The following INSL4 variants were observed in gnomAD, a reference collection of about 807,000 sequenced individuals.
The protein encoded by INSL4 is early placenta insulin-like peptide.
INSL4 carries 7 observed loss-of-function variants against 6.5 expected under a neutral mutation model. The observed-to-expected ratio is 1.08, with a 90% confidence interval of 0.61 to 2.02. The LOEUF is 2.02. INSL4 is among the 30% of genes most tolerant of loss of function. INSL4 has a pLI of 0.00. For synonymous variants in INSL4, 82 were observed against 65.8 expected, an observed-to-expected ratio of 1.25 and a Z score of -1.19; for missense variants, 226 against 163.2, an observed-to-expected ratio of 1.38 and a Z score of -2.09.
At chr9:5,231,823 C>G in intron 1 of INSL4, 104 bp downstream of exon 1, 4 of 983,790 alleles carry the variant, frequency 4.1e-6, no homozygotes, top group Middle Eastern at 2.9e-4. Context: ...GTGGCTAGTG[C>G]CTACAAGTTT....
intron 1 of INSL4, among the ~76,000 whole-genome samples, chr9:5,232,700 C>A (rs1051625330): frequency 1.5e-4 from 23 of 152,184 alleles, no homozygotes; most frequent in African/African-American, 5.1e-4. Context: ...CTACTATATT[C>A]TGTCTAATAG....
rs1826204290 is a variant in INSL4 at position 5,234,903 on chromosome 9, TAA to T, written c.*1027_*1028del. 1.3e-5 allele frequency: 2 copies of T among 151,990 alleles called. No individual in the cohort carries two copies. The highest frequency in any genetic ancestry group is 4.1e-4 in the South Asian group (2 of 4,824). The allele number at this position is 151,990 out of a possible 1,614,324, so 9.4% of individuals were successfully genotyped here. On this transcript the variant is annotated 3_prime_UTR_variant, in exon 2 of 2. Coordinates refer to ENST00000239316, the MANE Select transcript of INSL4 (RefSeq NM_002195.2). ...TGGGACATGGAGAAGCAAAGGATAA[TAA>T]GTGCAATGATACTTGTAGGTCATCA...
chr9:5,231,540 G>A lies in INSL4; in HGVS notation c.17G>A (p.Arg6Gln), dbSNP rs151123823. ...AGGTCCAGGATGGCCAGCCTGTTCCGGTCCTATCTGCCAGCAATCTGGCTG... is the reference window on the plus strand; with the variant it reads ...AGGTCCAGGATGGCCAGCCTGTTCCAGTCCTATCTGCCAGCAATCTGGCTG... MASLF[R>Q]SYLPAIWLLL... Residue 6 changes from arginine to glutamine, a missense_variant, in exon 1 of 2, where the codon CGG (arginine) becomes CAG (glutamine). Transcript: ENST00000239316. 53 of 1,613,106 alleles carry A rather than the reference G, an allele frequency of 3.3e-5. No individual in the cohort carries two copies. The highest frequency in any genetic ancestry group is 9.3e-5 in the African/African-American group (7 of 74,992).
rs773741191 is a variant in INSL4 at position 5,233,712 on chromosome 9, C to G, written c.255C>G (p.Phe85Leu). ...AAGCCTTAGGTACGACATCAGAATT[C>G]ATTCCTAATTTGTCACCAGAGCTGA... ...DGQALGTTSEFIPNLSPELKK... is the reference protein window; with the variant it reads ...DGQALGTTSELIPNLSPELKK... The change falls in exon 2 of 2, where the codon TTC becomes TTG. Residue 85 changes from phenylalanine to leucine, a missense_variant. By Grantham distance (22) the Phe-to-Leu change is conservative. Transcript: ENST00000239316. 1.2e-6 allele frequency: 2 copies of G among 1,613,718 alleles called. No individual in the cohort carries two copies. Among genetic ancestry groups the G allele is most frequent in the Non-Finnish European group, 1.7e-6 (2 of 1,179,746 alleles).
intron 1 of INSL4, among the ~76,000 whole-genome samples, chr9:5,233,181 G>T (rs1204408217): frequency 2.6e-5 from 4 of 152,000 alleles, no homozygotes; most frequent in African/African-American, 9.7e-5. Context: ...ATTTGGTGTC[G>T]ACACATATAG....
At chr9:5,231,769 G>C (rs1253488265) in intron 1 of INSL4, 50 bp downstream of exon 1, 2 of 1,528,718 alleles carry the variant, frequency 1.3e-6, no homozygotes, top group South Asian at 2.3e-5. Flanking sequence ...GAAAAAACAG[G>C]CTCCAGATCT....
intron 1 of INSL4, 67 bp downstream of exon 1, chr9:5,231,786 C>A: frequency 7.2e-7 from 1 of 1,396,548 alleles, no homozygotes; most frequent in Non-Finnish European, 9.9e-7. Context: ...ATCTCATTGA[C>A]TGCCTGTAGT....
rs758428149 is a variant in INSL4, at chr9:5,231,661, T to G, written c.138T>G (p.Pro46=). 6.6e-5 allele frequency: 107 copies of G among 1,613,700 alleles called. No individual in the cohort carries two copies. The highest frequency in any genetic ancestry group is 3.5e-4 in the Admixed American group (21 of 59,976). Residue 46 remains proline, a synonymous_variant, in exon 1 of 2, where the codon CCT becomes CCG. Coordinates refer to ENST00000239316, the MANE Select transcript of INSL4 (RefSeq NM_002195.2). ...ACTTGCTGTCATATTGCCCCATGCC[T>G]GAGAAGACATTCACCACCACCCCAG... ...GKHLLSYCPM[P]EKTFTTTPGG...
Position 5,232,320 on chromosome 9 carries a change from G to A in INSL4, c.196+601G>A, listed in dbSNP as rs569704514. On this transcript the variant is annotated intron_variant, in intron 1 of 1. Coordinates refer to ENST00000239316, the MANE Select transcript of INSL4 (RefSeq NM_002195.2). ...GGCAGTGGTCTATGTCACCAAAAAC[G>A]TCCTCTTACAAAAAAGTTTTTTTTA... Among the ~76,000 whole-genome samples, 35 of 152,208 alleles carry A rather than the reference G, an allele frequency of 2.3e-4. 1 individual carries two copies. In the South Asian group the frequency reaches 7.1e-3, roughly 31 times the overall value.
chr9:5,232,252 G>A (rs181001920), intron 1 of INSL4, among the ~76,000 whole-genome samples: 2 of 152,286 alleles, frequency 1.3e-5, no homozygotes, highest in East Asian at 3.9e-4. Flanking sequence ...GTGAGATAAA[G>A]GGGGCTTAGA....
chr9:5,232,904 G>C (rs991758229), intron 1 of INSL4, among the ~76,000 whole-genome samples: 1 of 152,126 alleles, frequency 6.6e-6, no homozygotes, highest in Non-Finnish European at 1.5e-5. Context: ...TGGATTTTGT[G>C]TGATTTATAT....
At position 5,233,963 on chromosome 9, in the gene INSL4, G is replaced by C. The variant is rs896355071; in HGVS notation, c.*86G>C. The C allele has an allele frequency of 1.2e-6, 1 of 855,158 alleles. No homozygotes were observed. The allele number at this position is 855,158 out of a possible 1,614,324, so 53.0% of individuals were successfully genotyped here. A position where few individuals can be genotyped will look rare whatever the true frequency, so the allele number is the denominator to read the frequency against. On this transcript the variant is annotated 3_prime_UTR_variant, in exon 2 of 2. Transcript: ENST00000239316. ...ACTGATGCCCAATTAAATGATTGCTGTTTATTAGAACATGAGAATCATTAT... is the reference window on the plus strand; with the variant it reads ...ACTGATGCCCAATTAAATGATTGCTCTTTATTAGAACATGAGAATCATTAT...
chr9:5,233,032 G>A (rs1340100837), intron 1 of INSL4, among the ~76,000 whole-genome samples: 1 of 152,130 alleles, frequency 6.6e-6, no homozygotes, highest in Admixed American at 6.6e-5. Context: ...AACTAAGGAA[G>A]AGCATGCTGT....
Position 5,231,719 on chromosome 9 carries a change from G to C in INSL4, c.196G>C (p.Glu66Gln). 1 of 1,613,236 alleles carries C rather than the reference G, an allele frequency of 6.2e-7. No individual in the cohort carries two copies. The highest frequency in any genetic ancestry group is 2.2e-5 in the East Asian group (1 of 44,798). The change falls in exon 1 of 2, where the codon GAA becomes CAA. Residue 66 changes from glutamate (E) to glutamine (Q), a missense_variant and splice_region_variant. Coordinates refer to ENST00000239316, the MANE Select transcript of INSL4 (RefSeq NM_002195.2). ...GCTGCTGGAATCTGGACGTCCCAAA[G>C]GTGAGAGCCCTGGACTACCAAACAA... ...GWLLESGRPKEMVSTSNNKDG... is the reference protein window; with the variant it reads ...GWLLESGRPKQMVSTSNNKDG...
At chr9:5,232,634 G>C (rs962866783) in intron 1 of INSL4, among the ~76,000 whole-genome samples, 1 of 152,204 alleles carries the variant, frequency 6.6e-6, no homozygotes, top group African/African-American at 2.4e-5. Context: ...TATTCATAAA[G>C]ATAAATTGCC....
At chr9:5,233,318 T>A (rs1013209108) in intron 1 of INSL4, among the ~76,000 whole-genome samples, 1 of 152,126 alleles carries the variant, frequency 6.6e-6, no homozygotes, top group Non-Finnish European at 1.5e-5. Context: ...AAATTCCCTA[T>A]TGCTATCCAG....
intron 1 of INSL4, 151 bp from the exon 2 acceptor site, chr9:5,233,503 T>G: frequency 1.6e-6 from 1 of 631,182 alleles, no homozygotes; most frequent in Admixed American, 2.8e-5. Context: ...GCTAAGTTGT[T>G]GAAATGTTAG....
intron 1 of INSL4, among the ~76,000 whole-genome samples, chr9:5,232,125 A>T (rs909846899): frequency 2.0e-5 from 3 of 152,146 alleles, no homozygotes; most frequent in African/African-American, 7.2e-5. Flanking sequence ...TGGGCCAGGC[A>T]TCTTCAATTA....
chr9:5,231,770 C>A, intron 1 of INSL4, 51 bp downstream of exon 1: 5 of 1,519,112 alleles, frequency 3.3e-6, no homozygotes, highest in Non-Finnish European at 4.5e-6. Context: ...AAAAAACAGG[C>A]TCCAGATCTC....
Sources: gnomAD v4.1 joint callset for allele counts (sites outside exome capture counted in the v4.1 genomes callset) on GRCh38, gnomAD v4.1.1 for gene constraint, MANE v1.5 for transcripts, NCBI Gene and HGNC (gene_info 2026-07-23, HGNC 2026-07-21) for gene names.